The following TENM3 variants were observed in gnomAD, a reference collection of about 807,000 sequenced individuals.
TENM3 encodes the protein teneurin-3.
Under a neutral mutation model 255.1 loss-of-function variants are expected in TENM3, and 63 were observed. That is an observed-to-expected ratio of 0.25 (90% CI 0.20 to 0.30). The LOEUF is 0.30. TENM3 is among the 10% of genes least tolerant of loss of function. The probability of loss-of-function intolerance (pLI) is 1.00; values close to 1 mark genes in which losing one functional copy is unlikely to be tolerated. For missense variants in TENM3, 2,929 were observed against 3,461.1 expected (o/e 0.85, Z 3.86); for synonymous variants, 1,306 against 1,322.3 (o/e 0.99, Z 0.27).
At chr4:182,163,666 G>A (rs1209270355) in intron 1 of TENM3, among the ~76,000 whole-genome samples, 1 of 152,140 alleles carries the variant, frequency 6.6e-6, no homozygotes, top group Non-Finnish European at 1.5e-5. Flanking sequence ...GATCATACAG[G>A]CAGAGCCTCT....
the TENM3 span, among the ~76,000 whole-genome samples, chr4:181,814,073 A>G: frequency 1.2e-4 from 18 of 152,226 alleles, no homozygotes; most frequent in Non-Finnish European, 2.4e-4. Flanking sequence ...ATCTACGCAT[A>G]AAAGAACTCA....
the TENM3 span, among the ~76,000 whole-genome samples, chr4:182,082,042 C>T: frequency 3.9e-5 from 6 of 152,160 alleles, no homozygotes; most frequent in African/African-American, 1.4e-4. Flanking sequence ...GTTATTTAAA[C>T]ATATACAAAA....
intron 3 of TENM3, among the ~76,000 whole-genome samples, chr4:182,441,174 T>G (rs917459693): frequency 1.3e-5 from 2 of 152,094 alleles, no homozygotes; most frequent in Non-Finnish European, 2.9e-5. Context: ...TATGTTCGGT[T>G]TTATAATCCT....
chr4:182,780,825 A>C (rs1192019151), intron 24 of TENM3, among the ~76,000 whole-genome samples: 8 of 151,404 alleles, frequency 5.3e-5, no homozygotes, highest in Non-Finnish European at 1.2e-4. Flanking sequence ...GCAATTGTGA[A>C]TGGGAGTTCA....
the TENM3 span, among the ~76,000 whole-genome samples, chr4:182,085,918 T>A: frequency 0.13 from 20,177 of 152,218 alleles, 1,369 homozygotes; most frequent in Non-Finnish European, 0.15. Flanking sequence ...GTATGAATCT[T>A]GAAAATCATC....
intron 3 of TENM3, among the ~76,000 whole-genome samples, chr4:182,505,643 T>A (rs1158258476): frequency 2.6e-5 from 4 of 152,014 alleles, no homozygotes; most frequent in African/African-American, 7.2e-5. Flanking sequence ...CACGCCCGGC[T>A]ATTTTTTTTT....
chr4:182,579,858 G>C (rs1745317194), intron 3 of TENM3, among the ~76,000 whole-genome samples: 2 of 152,144 alleles, frequency 1.3e-5, no homozygotes, highest in South Asian at 4.1e-4. Flanking sequence ...GTATAATTGT[G>C]CTATAATTCT....
In TENM3 at chr4:182,511,115, T is replaced by C. The variant is rs377138549; in HGVS notation, c.512-89809T>C. Among the ~76,000 whole-genome samples, 5 of 152,298 alleles carry C rather than the reference T, an allele frequency of 3.3e-5. No individual in the cohort carries two copies. In the East Asian group the frequency reaches 5.8e-4, roughly 18 times the overall value. On this transcript the variant is annotated intron_variant, in intron 3 of 27. Coordinates refer to ENST00000511685, the MANE Select transcript of TENM3 (RefSeq NM_001080477.4). ...AAGGGACCAACGTACAATCCAATAC[T>C]CATGCTGCTTGCTGTGCTATGCCAT...
At chr4:182,272,483 G>A (rs1042652944) in intron 1 of TENM3, among the ~76,000 whole-genome samples, 3 of 152,144 alleles carry the variant, frequency 2.0e-5, no homozygotes, top group African/African-American at 7.2e-5. Context: ...GAAACGCCAA[G>A]CTGACCCTCT....
chr4:182,638,706 G>T (rs1196705858), intron 5 of TENM3, among the ~76,000 whole-genome samples: 1 of 152,216 alleles, frequency 6.6e-6, no homozygotes, highest in East Asian at 1.9e-4. Context: ...TCTGGTGGCT[G>T]TCCATCAGCC....
chr4:181,755,652 C>T, the TENM3 span, among the ~76,000 whole-genome samples: 3 of 152,000 alleles, frequency 2.0e-5, no homozygotes, highest in African/African-American at 7.2e-5. Flanking sequence ...AACATGTACT[C>T]CAGAAGAGAT....
At chr4:181,613,864 A>C in the TENM3 span, among the ~76,000 whole-genome samples, 3 of 152,252 alleles carry the variant, frequency 2.0e-5, no homozygotes, top group South Asian at 6.2e-4. Context: ...AGTGTGCAAA[A>C]GCCACACACG....
the TENM3 span, among the ~76,000 whole-genome samples, chr4:182,050,929 A>G: frequency 5.9e-5 from 9 of 152,244 alleles, no homozygotes; most frequent in African/African-American, 2.2e-4. Context: ...TGGCGATTAC[A>G]GTGGCTGGCA....
chr4:181,712,470 G>C, the TENM3 span, among the ~76,000 whole-genome samples: 1 of 152,098 alleles, frequency 6.6e-6, no homozygotes, highest in East Asian at 1.9e-4. Context: ...AGTTTCCTGA[G>C]GGCTCCCCAG....
At chr4:181,985,449 G>A in the TENM3 span, among the ~76,000 whole-genome samples, 2 of 152,014 alleles carry the variant, frequency 1.3e-5, no homozygotes, top group African/African-American at 2.4e-5. Flanking sequence ...TCTAAAATAG[G>A]CAGAGATTAT....
At chr4:181,941,077 G>A in the TENM3 span, among the ~76,000 whole-genome samples, 1 of 152,206 alleles carries the variant, frequency 6.6e-6, no homozygotes, top group Non-Finnish European at 1.5e-5. Context: ...AAGACTGCGA[G>A]AATGGGAATG....
At chr4:181,660,823 C>A in the TENM3 span, among the ~76,000 whole-genome samples, 1 of 152,048 alleles carries the variant, frequency 6.6e-6, no homozygotes, top group African/African-American at 2.4e-5. Context: ...TTATAGCAAC[C>A]AATACAAAAG....
the TENM3 span, among the ~76,000 whole-genome samples, chr4:181,921,235 A>G: frequency 6.6e-6 from 1 of 152,116 alleles, no homozygotes; most frequent in African/African-American, 2.4e-5. Context: ...TTGGTTCCAT[A>G]TGAACTTTAA....
the TENM3 span, among the ~76,000 whole-genome samples, chr4:181,636,745 C>T: frequency 1.3e-5 from 2 of 152,186 alleles, no homozygotes; most frequent in African/African-American, 4.8e-5. Context: ...CTCTGCTTTT[C>T]CCTCTTCGGT....
Sources: gnomAD v4.1 joint callset for allele counts (sites outside exome capture counted in the v4.1 genomes callset) on GRCh38, gnomAD v4.1.1 for gene constraint, MANE v1.5 for transcripts, NCBI Gene and HGNC (gene_info 2026-07-23, HGNC 2026-07-21) for gene names.